Variants in PDE7A observed in about 807,000 individuals in gnomAD.
PDE7A encodes high affinity 3',5'-cyclic-AMP phosphodiesterase 7A.
In PDE7A, 39 loss-of-function variants were observed where a neutral mutation model predicts 64.3. That is an observed-to-expected ratio of 0.61 (90% confidence interval 0.47 to 0.79). PDE7A has a LOEUF of 0.79. Among genes scored for constraint, PDE7A ranks in the 30% least tolerant of loss-of-function variants. PDE7A has a pLI of 0.00. For missense variants in PDE7A, 470 were observed against 582.8 expected (o/e 0.81, Z 1.99); for synonymous variants, 203 against 206.8 (o/e 0.98, Z 0.16).
At chr8:65,811,138 T>A (rs907008166) in intron 1 of PDE7A, among the ~76,000 whole-genome samples, 1 of 151,408 alleles carries the variant, frequency 6.6e-6, no homozygotes, top group Non-Finnish European at 1.5e-5. Context: ...GAGGAGGAAG[T>A]GGAGAAAAAA....
At chr8:65,787,085 G>A (rs1809578698) in intron 1 of PDE7A, among the ~76,000 whole-genome samples, 1 of 152,166 alleles carries the variant, frequency 6.6e-6, no homozygotes, top group Admixed American at 6.5e-5. Flanking sequence ...TTAAAACCCA[G>A]CAAAGATATT....
At chr8:65,821,082 T>C (rs545756760) in intron 1 of PDE7A, among the ~76,000 whole-genome samples, 14 of 152,286 alleles carry the variant, frequency 9.2e-5, no homozygotes, top group African/African-American at 3.4e-4. Flanking sequence ...AATTATCTAC[T>C]CATACTTCTC....
intron 5 of PDE7A, among the ~76,000 whole-genome samples, chr8:65,745,062 G>A (rs1807610734): frequency 6.6e-6 from 1 of 152,164 alleles, no homozygotes; most frequent in Non-Finnish European, 1.5e-5. Flanking sequence ...TCTTGTGGTA[G>A]TGGATAAGTC....
At chr8:65,731,344 A>C (rs1806878597) in intron 7 of PDE7A, among the ~76,000 whole-genome samples, 1 of 152,202 alleles carries the variant, frequency 6.6e-6, no homozygotes, top group South Asian at 2.1e-4. Context: ...CTCTTTTGTC[A>C]ACTGCCAGGG....
At chr8:65,775,780 A>C (rs1809243068) in intron 3 of PDE7A, among the ~76,000 whole-genome samples, 6 of 152,158 alleles carry the variant, frequency 3.9e-5, no homozygotes, top group Admixed American at 3.9e-4. Context: ...GGCACGCACC[A>C]CTGCACCTGG....
At chr8:65,774,981 TTAAG>T (rs1383208872) in intron 3 of PDE7A, among the ~76,000 whole-genome samples, 6 of 152,202 alleles carry the variant, frequency 3.9e-5, no homozygotes, top group African/African-American at 1.4e-4. Context: ...AGACCGCACT[TTAAG>T]TACTGCTGGA....
chr8:65,762,897 G>A (rs1268540684), intron 3 of PDE7A, among the ~76,000 whole-genome samples: 3 of 152,062 alleles, frequency 2.0e-5, no homozygotes, highest in Non-Finnish European at 4.4e-5. Context: ...AGCATTATGG[G>A]AAGCTGAGGT....
chr8:65,777,007 T>C (rs1035069755), intron 3 of PDE7A, among the ~76,000 whole-genome samples: 1 of 151,314 alleles, frequency 6.6e-6, no homozygotes, highest in Non-Finnish European at 1.5e-5. Context: ...TTTCAGACTG[T>C]TTAAGTTTTT....
chr8:65,742,578 A>T (rs1807491459), intron 5 of PDE7A, among the ~76,000 whole-genome samples: 1 of 152,220 alleles, frequency 6.6e-6, no homozygotes, highest in African/African-American at 2.4e-5. Flanking sequence ...ATCAATAAGC[A>T]AGAAGGGAAA....
intron 3 of PDE7A, among the ~76,000 whole-genome samples, chr8:65,751,865 AT>A (rs1034223423): frequency 2.6e-5 from 4 of 152,298 alleles, no homozygotes; most frequent in African/African-American, 9.6e-5. Context: ...ATGGTAGCAT[AT>A]TTTACAACCT....
At chr8:65,832,138 T>A (rs1021609138) in intron 1 of PDE7A, among the ~76,000 whole-genome samples, 1 of 152,236 alleles carries the variant, frequency 6.6e-6, no homozygotes, top group Non-Finnish European at 1.5e-5. Flanking sequence ...TTCCATGTGA[T>A]TAAAGATTCC....
At chr8:65,820,361 A>G (rs925608169) in intron 1 of PDE7A, among the ~76,000 whole-genome samples, 1 of 152,198 alleles carries the variant, frequency 6.6e-6, no homozygotes, top group Non-Finnish European at 1.5e-5. Flanking sequence ...ATGCCACTTC[A>G]TTACAGCCTG....
At chr8:65,756,361 G>A (rs1209860611) in intron 3 of PDE7A, among the ~76,000 whole-genome samples, 1 of 151,816 alleles carries the variant, frequency 6.6e-6, no homozygotes, top group East Asian at 1.9e-4. Context: ...TTTCTTTCTG[G>A]GACTCCAGTG....
chr8:65,790,163 G>A (rs1809662462), intron 1 of PDE7A, among the ~76,000 whole-genome samples: 1 of 152,236 alleles, frequency 6.6e-6, no homozygotes, highest in African/African-American at 2.4e-5. Context: ...GCAAGTCTGA[G>A]AGACAGAAAG....
intron 3 of PDE7A, among the ~76,000 whole-genome samples, chr8:65,757,632 T>G (rs1468482338): frequency 6.6e-6 from 1 of 152,190 alleles, no homozygotes; most frequent in Non-Finnish European, 1.5e-5. Flanking sequence ...TTTTGTTTGT[T>G]TTTTAAGACT....
chr8:65,817,822 T>G (rs1362352369), intron 1 of PDE7A, among the ~76,000 whole-genome samples: 5 of 150,710 alleles, frequency 3.3e-5, no homozygotes, highest in African/African-American at 1.2e-4. Context: ...GCGCTATCTC[T>G]GCTCACTGCA....
chr8:65,836,289 G>A (rs1487591808), intron 1 of PDE7A, among the ~76,000 whole-genome samples: 1 of 152,148 alleles, frequency 6.6e-6, no homozygotes, highest in Non-Finnish European at 1.5e-5. Context: ...CACGGGATAT[G>A]CAAATAAAAT....
intron 12 of PDE7A, chr8:65,722,436 C>T (rs17395851): frequency 0.041 from 6,317 of 152,350 alleles, 195 homozygotes; most frequent in Non-Finnish European, 0.062. Context: ...GAGTATGATG[C>T]CACATATTGT....
intron 1 of PDE7A, among the ~76,000 whole-genome samples, chr8:65,792,081 G>A (rs991985346): frequency 3.9e-5 from 6 of 152,052 alleles, no homozygotes; most frequent in African/African-American, 1.2e-4. Context: ...GTTGGATCAT[G>A]TAGTTTATTA....
Sources: allele counts gnomAD v4.1 joint callset (sites outside exome capture counted in the v4.1 genomes callset), GRCh38; gene constraint gnomAD v4.1.1; transcripts MANE v1.5; gene names NCBI Gene and HGNC (gene_info 2026-07-23, HGNC 2026-07-21).